The following MRPL39 variants were observed in gnomAD, a reference collection of about 807,000 sequenced individuals.
The protein encoded by MRPL39 is large ribosomal subunit protein mL39.
A neutral mutation model predicts 44.5 loss-of-function variants in MRPL39; 35 were observed. The observed-to-expected ratio is 0.79, with a 90% CI of 0.60 to 1.04. MRPL39 has a LOEUF of 1.04. Among genes scored for constraint, MRPL39 ranks in the 50% least tolerant of loss-of-function variants. The pLI, the probability that MRPL39 is intolerant of heterozygous loss-of-function variation, is 0.00. For synonymous variants in MRPL39, 139 were observed against 136.1 expected, an observed-to-expected ratio of 1.02 and a Z score of -0.15; for missense variants, 433 against 413.5, an observed-to-expected ratio of 1.05 and a Z score of -0.41.
At chr21:25,593,082 A>G in intron 7 of MRPL39, 117 bp from the exon 8 acceptor site, 2 of 888,938 alleles carry the variant, frequency 2.2e-6, no homozygotes, top group South Asian at 2.1e-5. Context: ...AACATTATAT[A>G]TGGTTCAATT....
chr21:25,606,418 G>A (rs1224382190), intron 2 of MRPL39, 31 bp downstream of exon 2: 1 of 1,535,862 alleles, frequency 6.5e-7, no homozygotes, highest in South Asian at 1.3e-5. Flanking sequence ...AAGTAAAAGG[G>A]TCAAAACTGT....
Position 25,606,442 on chromosome 21 carries a change from T to C in MRPL39, c.280+7A>G. On this transcript the variant is annotated splice_region_variant and intron_variant, in intron 2 of 9. Transcript: ENST00000352957. Reference sequence around the variant, plus strand: ...GGTCAAAACTGTAACCTGATTCTGCTACTTACGCATGGCACAACTGTAGGG... The same window carrying C: ...GGTCAAAACTGTAACCTGATTCTGCCACTTACGCATGGCACAACTGTAGGG... The C allele has an allele frequency of 6.3e-7, 1 of 1,583,460 alleles. No individual in the cohort carries two copies. Among genetic ancestry groups the C allele is most frequent in the Non-Finnish European group, 8.6e-7 (1 of 1,163,830 alleles).
rs376415797 is a variant in MRPL39, at chr21:25,586,920, T to C, written c.970-1166A>G. Among the ~76,000 whole-genome samples, 47 of 152,306 alleles carry C rather than the reference T, an allele frequency of 3.1e-4. 1 individual carries two copies. The highest frequency in any genetic ancestry group is 1.1e-3 in the African/African-American group (46 of 41,560). On this transcript the variant is annotated intron_variant, in intron 9 of 9. Transcript: ENST00000352957. ...ATAAGTCTAATTATCCAATCAACAT[T>C]ACTTCCCTGAGGCAGCAAGTAAATT... is the stretch of plus-strand genomic sequence containing the variant.
Position 25,607,438 on chromosome 21 carries a change from A to T in MRPL39, c.38T>A (p.Leu13His), listed in dbSNP as rs2031721742. 1 of 1,613,328 alleles carries T rather than the reference A, an allele frequency of 6.2e-7. No individual in the cohort carries two copies. Among genetic ancestry groups the T allele is most frequent in the Non-Finnish European group, 8.5e-7 (1 of 1,179,966 alleles). The change falls in exon 1 of 10, where the codon CTC (leucine) becomes CAC (histidine). Residue 13 changes from leucine (L) to histidine (H), a missense_variant. Leu to His is a moderately conservative substitution (Grantham distance 99). Transcript: ENST00000352957. Reference sequence around the variant, plus strand: ...CCCGCCACCGGGTGCGACCAGCCAGAGCCGCAGCGCCCGGGAACCCATGGC... The same window carrying T: ...CCCGCCACCGGGTGCGACCAGCCAGTGCCGCAGCGCCCGGGAACCCATGGC... ...ALAMGSRALRLWLVAPGGGIK... is the reference protein window; with the variant it reads ...ALAMGSRALRHWLVAPGGGIK...
intron 8 of MRPL39, among the ~76,000 whole-genome samples, chr21:25,591,282 A>G (rs1356543646): frequency 1.3e-5 from 2 of 151,986 alleles, no homozygotes; most frequent in Non-Finnish European, 2.9e-5. Flanking sequence ...AAAAACAAAA[A>G]TGTTATCAAA....
At chr21:25,602,322 C>G (rs1297879448) in intron 3 of MRPL39, among the ~76,000 whole-genome samples, 1 of 152,218 alleles carries the variant, frequency 6.6e-6, no homozygotes. Context: ...TTTCCTAAAT[C>G]AGTAACCTTG....
At chr21:25,604,130 G>A (rs1169766022) in intron 2 of MRPL39, among the ~76,000 whole-genome samples, 195 bp from the exon 3 acceptor site, 2 of 151,570 alleles carry the variant, frequency 1.3e-5, no homozygotes, top group Admixed American at 6.6e-5. Context: ...GTGGGGGCAC[G>A]TGCCTGTAAT....
At chr21:25,601,618 C>T in intron 3 of MRPL39, 151 bp from the exon 4 acceptor site, 1 of 406,616 alleles carries the variant, frequency 2.5e-6, no homozygotes. Flanking sequence ...TGCCATCAGG[C>T]CATGACGTTA....
rs571236524 is a variant in MRPL39, at chr21:25,602,519, T to A, written c.421-1052A>T. On this transcript the variant is annotated intron_variant, in intron 3 of 9. Coordinates refer to ENST00000352957, the MANE Select transcript of MRPL39 (RefSeq NM_017446.4). ...TACTGTCATTTCTATCATTTTCTTG[T>A]TCAACTATTTCAACAAATATTTATT... 2.0e-5 allele frequency among the ~76,000 whole-genome samples: 3 copies of A among 152,328 alleles called. No individual in the cohort carries two copies. In the South Asian group the frequency reaches 6.2e-4, roughly 32 times the overall value.
At chr21:25,598,449 A>AG (rs1458423749) in intron 5 of MRPL39, among the ~76,000 whole-genome samples, 1 of 98,116 alleles carries the variant, frequency 1.0e-5, no homozygotes, top group East Asian at 2.4e-4. Flanking sequence ...AAAAAAAAAA[A>AG]AAAAGAGAGA....
intron 6 of MRPL39, among the ~76,000 whole-genome samples, chr21:25,596,916 C>A (rs2031377257): frequency 6.6e-6 from 1 of 152,168 alleles, no homozygotes; most frequent in South Asian, 2.1e-4. Flanking sequence ...CAGCCCCCTC[C>A]CAAACTGCTT....
chr21:25,600,502 C>T (rs2123248777), intron 4 of MRPL39, among the ~76,000 whole-genome samples: 1 of 148,146 alleles, frequency 6.8e-6, no homozygotes, highest in Non-Finnish European at 1.5e-5. Flanking sequence ...CCCTAAATAT[C>T]TTCTTTTTGG....
At chr21:25,601,306 G>A (rs917164227) in intron 4 of MRPL39, 62 bp downstream of exon 4, 13 of 1,072,386 alleles carry the variant, frequency 1.2e-5, no homozygotes, top group South Asian at 4.5e-5. Flanking sequence ...AACTCTATAC[G>A]TCATCAAAAA....
chr21:25,598,283 T>G, intron 5 of MRPL39, among the ~76,000 whole-genome samples: 1 of 152,038 alleles, frequency 6.6e-6, no homozygotes, highest in Middle Eastern at 3.4e-3. Flanking sequence ...ATATTTCTTT[T>G]GTAAGGTTTT....
In MRPL39 at chr21:25,597,924, G is replaced by A. The variant is rs532424163; in HGVS notation, c.589-510C>T. ...AGCATGTCCAATATTAAAAGTTTCT[G>A]CTTAATAAAAATGTCAATTTTACAC... On this transcript the variant is annotated intron_variant, in intron 5 of 9. Coordinates refer to ENST00000352957, the MANE Select transcript of MRPL39 (RefSeq NM_017446.4). 2.6e-5 allele frequency among the ~76,000 whole-genome samples: 4 copies of A among 152,180 alleles called. No individual in the cohort carries two copies. In the South Asian group the frequency reaches 8.3e-4, roughly 32 times the overall value.
At chr21:25,589,138 T>C (rs2031095200) in intron 8 of MRPL39, among the ~76,000 whole-genome samples, 1 of 152,182 alleles carries the variant, frequency 6.6e-6, no homozygotes, top group Admixed American at 6.5e-5. Context: ...CGCTTAAGGA[T>C]TGAACGTGCC....
chr21:25,602,224 T>G (rs1236114001), intron 3 of MRPL39, among the ~76,000 whole-genome samples: 1 of 152,242 alleles, frequency 6.6e-6, no homozygotes, highest in African/African-American at 2.4e-5. Context: ...AGTAGCAACA[T>G]GTACTTCTTC....
Position 25,594,555 on chromosome 21 carries a change from C to T in MRPL39, c.702-597G>A, listed in dbSNP as rs115957657. Among the ~76,000 whole-genome samples the T allele has an allele frequency of 3.7e-3, 560 of 152,168 alleles. 3 individuals carry two copies. The highest frequency in any genetic ancestry group is 0.011 in the African/African-American group (473 of 41,500). ...AACCACCACATCCAGCCTCAAAGTG[C>T]TCTTTCCATGGGTATCAGTGGCATT... On this transcript the variant is annotated intron_variant, in intron 6 of 9. Coordinates refer to ENST00000352957, the MANE Select transcript of MRPL39 (RefSeq NM_017446.4).
In MRPL39 at chr21:25,602,018, A is replaced by G. The variant is rs9984574; in HGVS notation, c.421-551T>C. Among the ~76,000 whole-genome samples, 608 of 152,294 alleles carry G rather than the reference A, an allele frequency of 4.0e-3. 4 individuals carry two copies. Among genetic ancestry groups the G allele is most frequent in the African/African-American group, 0.014 (582 of 41,552 alleles). ...ACATGCCTGATATGGTATCAGAGCAATGACCTGATCAGTCACAAGGAGAAA... is the reference window on the plus strand; with the variant it reads ...ACATGCCTGATATGGTATCAGAGCAGTGACCTGATCAGTCACAAGGAGAAA... On this transcript the variant is annotated intron_variant, in intron 3 of 9. Coordinates refer to ENST00000352957, the MANE Select transcript of MRPL39 (RefSeq NM_017446.4).
Sources: allele counts gnomAD v4.1 joint callset (sites outside exome capture counted in the v4.1 genomes callset), GRCh38; gene constraint gnomAD v4.1.1; transcripts MANE v1.5; gene names NCBI Gene and HGNC (gene_info 2026-07-23, HGNC 2026-07-21).